Variants in TUBA1C observed in about 807,000 individuals in gnomAD.
TUBA1C encodes tubulin alpha 1c, also known as tubulin alpha-1C chain.
TUBA1C carries 16 observed loss-of-function variants against 34.9 expected under a neutral mutation model. The observed-to-expected ratio is 0.46, with a 90% CI of 0.31 to 0.70. The LOEUF (loss-of-function observed/expected upper bound fraction) is 0.70, where lower values mean the gene tolerates loss of function less well. Ranked by LOEUF, TUBA1C falls within the 30% of genes least tolerant of loss-of-function variation. The pLI is 0.05. For synonymous variants in TUBA1C, 177 were observed against 215.9 expected, an observed-to-expected ratio of 0.82 and a Z score of 1.58; for missense variants, 329 against 587.3, an observed-to-expected ratio of 0.56 and a Z score of 4.55.
intron 1 of TUBA1C, among the ~76,000 whole-genome samples, chr12:49,265,748 T>C (rs1178479556): frequency 2.0e-5 from 3 of 152,182 alleles, no homozygotes; most frequent in Non-Finnish European, 4.4e-5. Flanking sequence ...AATAATTAAC[T>C]TTCACGTTGC....
At chr12:49,227,945 A>G in exon 1 of TUBA1C, 2 of 1,535,610 alleles carry the variant, frequency 1.3e-6, no homozygotes, top group Admixed American at 2.0e-5. Context: ...ATGGGCGCCC[A>G]GCTCTAAAAT....
intron 1 of TUBA1C, among the ~76,000 whole-genome samples, chr12:49,267,544 A>G (rs1360224480): frequency 2.0e-5 from 3 of 152,236 alleles, no homozygotes; most frequent in Admixed American, 6.5e-5. Context: ...CTGTAATCCC[A>G]GCTACTTGGG....
At chr12:49,263,820 T>C (rs1489977774), upstream of TUBA1C, among the ~76,000 whole-genome samples, 4 of 152,196 alleles carry the variant, frequency 2.6e-5, no homozygotes, top group Admixed American at 6.5e-5. Flanking sequence ...TACAAGTTAG[T>C]GTTGAAGGGT....
intron 1 of TUBA1C, among the ~76,000 whole-genome samples, chr12:49,242,536 T>C (rs1379037725): frequency 2.0e-5 from 3 of 151,626 alleles, no homozygotes; most frequent in African/African-American, 7.3e-5. Context: ...GGCACAATCC[T>C]AGCTCACTGC....
chr12:49,263,282 C>T (rs968051747), upstream of TUBA1C, among the ~76,000 whole-genome samples: 12 of 152,076 alleles, frequency 7.9e-5, no homozygotes, highest in African/African-American at 2.4e-4. Flanking sequence ...TCCCAAAGTG[C>T]CAGAATTACA....
chr12:49,269,786 C>T lies in TUBA1C; in HGVS notation c.227-42C>T, dbSNP rs200135182. 978 of 1,613,860 alleles carry T rather than the reference C, an allele frequency of 6.1e-4. 2 individuals are homozygous for T. The highest frequency in any genetic ancestry group is 9.0e-4 in the South Asian group (82 of 91,070). On this transcript the variant is annotated intron_variant, in intron 2 of 3. Coordinates refer to ENST00000301072, the MANE Select transcript of TUBA1C (RefSeq NM_032704.5). The stretch of plus-strand genomic sequence containing the variant: ...TGGTCACTCACCCACTCTCCCTCCC[C>T]GCTCCTTGTCCCTCCTCCTCCTCCC...
At chr12:49,266,424 C>G (rs1401315268) in intron 1 of TUBA1C, among the ~76,000 whole-genome samples, 2 of 151,488 alleles carry the variant, frequency 1.3e-5, no homozygotes, top group African/African-American at 4.9e-5. Context: ...AGCAAGACTC[C>G]GTCCAAAAAC....
At chr12:49,248,913 G>T (rs1016808992) in intron 1 of TUBA1C, among the ~76,000 whole-genome samples, 3 of 148,314 alleles carry the variant, frequency 2.0e-5, no homozygotes, top group Non-Finnish European at 4.5e-5. Context: ...AACAGAAAGA[G>T]ATCTGGGAAA....
At chr12:49,244,739 C>A (rs562831777) in intron 1 of TUBA1C, among the ~76,000 whole-genome samples, 3 of 151,926 alleles carry the variant, frequency 2.0e-5, no homozygotes, top group Admixed American at 2.0e-4. Flanking sequence ...ATGATCTTAT[C>A]CCTGCATTCC....
intron 1 of TUBA1C, among the ~76,000 whole-genome samples, chr12:49,254,980 C>G (rs545361547): frequency 6.6e-6 from 1 of 151,970 alleles, no homozygotes; most frequent in African/African-American, 2.4e-5. Context: ...AAACGGGGTC[C>G]CTCTGTGTTG....
At chr12:49,235,205 G>A in intron 1 of TUBA1C, among the ~76,000 whole-genome samples, 1 of 151,862 alleles carries the variant, frequency 6.6e-6, no homozygotes, top group Non-Finnish European at 1.5e-5. Context: ...AATAAAAAGG[G>A]CTCCTGACAC....
At chr12:49,231,486 G>A (rs797013042) in intron 1 of TUBA1C, among the ~76,000 whole-genome samples, 2 of 152,246 alleles carry the variant, frequency 1.3e-5, no homozygotes, top group African/African-American at 4.8e-5. Flanking sequence ...AGTATTCCGA[G>A]TGACCACTGC....
chr12:49,265,073 C>A, upstream of TUBA1C: 1 of 1,398,326 alleles, frequency 7.2e-7, no homozygotes, highest in Non-Finnish European at 9.5e-7. Flanking sequence ...CGGGGCCGGC[C>A]ACCCTTTCAC....
chr12:49,250,095 G>A (rs1942717523), intron 1 of TUBA1C, among the ~76,000 whole-genome samples: 1 of 152,018 alleles, frequency 6.6e-6, no homozygotes. Context: ...TTACTCAGGA[G>A]GCTGAGGCAG....
chr12:49,242,532 A>G (rs1942628017), intron 1 of TUBA1C, among the ~76,000 whole-genome samples: 1 of 151,998 alleles, frequency 6.6e-6, no homozygotes, highest in Admixed American at 6.6e-5. Flanking sequence ...CAGTGGCACA[A>G]TCCTAGCTCA....
intron 1 of TUBA1C, among the ~76,000 whole-genome samples, chr12:49,234,603 A>AGCAGGCGGCGCTATCTCCAGGCC (rs1942530758): frequency 6.6e-6 from 1 of 152,160 alleles, no homozygotes; most frequent in Non-Finnish European, 1.5e-5. Flanking sequence ...CCCGGTGACC[A>AGCAGGCGGCGCTATCTCCAGGCC]GCAGGCGGCG....
At chr12:49,259,191 T>C (rs948954998) in intron 1 of TUBA1C, among the ~76,000 whole-genome samples, 12 of 152,216 alleles carry the variant, frequency 7.9e-5, no homozygotes, top group Admixed American at 5.2e-4. Flanking sequence ...TTATCTTTTA[T>C]ACCATATTTT....
intron 1 of TUBA1C, chr12:49,256,397 T>A: frequency 2.2e-6 from 1 of 452,474 alleles, no homozygotes; most frequent in Middle Eastern, 3.3e-4. Context: ...TTTTCCACAG[T>A]GTGTGAACCC....
chr12:49,229,769 C>CT (rs893937623), intron 1 of TUBA1C, among the ~76,000 whole-genome samples: 7 of 150,566 alleles, frequency 4.6e-5, no homozygotes, highest in Middle Eastern at 3.4e-3. Flanking sequence ...TCTTAACTTG[C>CT]TTTTTTTTTC....
Sources: allele counts gnomAD v4.1 joint callset (sites outside exome capture counted in the v4.1 genomes callset), GRCh38; gene constraint gnomAD v4.1.1; transcripts MANE v1.5; gene names NCBI Gene and HGNC (gene_info 2026-07-23, HGNC 2026-07-21).